Variants in PLXNA4 observed in about 807,000 individuals in gnomAD.
The protein encoded by PLXNA4 is plexin-A4.
In PLXNA4, 44 loss-of-function variants were observed where a neutral mutation model predicts 191.8. The ratio of observed to expected loss-of-function variants is 0.23; its 90% confidence interval spans 0.18 to 0.29. The LOEUF is 0.29. PLXNA4 is among the 10% of genes least tolerant of loss of function. The pLI is 1.00. For missense variants in PLXNA4, 1,800 were observed against 2,488.8 expected, an observed-to-expected ratio of 0.72 and a Z score of 5.89; for synonymous variants, 1,082 against 1,009.5, an observed-to-expected ratio of 1.07 and a Z score of -1.36.
chr7:132,229,323 C>A (rs983012440), intron 5 of PLXNA4, among the ~76,000 whole-genome samples: 3 of 152,214 alleles, frequency 2.0e-5, no homozygotes, highest in African/African-American at 7.2e-5. Flanking sequence ...TGGGATCTTG[C>A]AGTCCTAGCT....
chr7:132,203,524 G>A, intron 10 of PLXNA4, 105 bp from the exon 11 acceptor site: 1 of 900,654 alleles, frequency 1.1e-6, no homozygotes, highest in Non-Finnish European at 1.8e-6. Context: ...ACAGGCTAAA[G>A]ACTGGCCAAG....
rs187235560 is a variant in PLXNA4, at chr7:132,321,689, T to C, written c.1372-23467A>G. Among the ~76,000 whole-genome samples the C allele has an allele frequency of 3.5e-3, 532 of 152,230 alleles. 2 individuals carry two copies. The highest frequency in any genetic ancestry group is 6.1e-3 in the Non-Finnish European group (417 of 68,000). ...GAGCCCCGGGGGACACGTGGACACA[T>C]GTTAGAGTCTGGTGAACATTCAAGA... On this transcript the variant is annotated intron_variant, in intron 3 of 31. Transcript: ENST00000321063.
chr7:132,134,252 C>T (rs1312653611), intron 30 of PLXNA4, among the ~76,000 whole-genome samples: 2 of 152,124 alleles, frequency 1.3e-5, no homozygotes, highest in East Asian at 3.9e-4. Context: ...CCTTCTGCAC[C>T]CCAGCCCTGT....
chr7:132,459,338 G>A (rs1004678651), intron 3 of PLXNA4, among the ~76,000 whole-genome samples: 1 of 152,184 alleles, frequency 6.6e-6, no homozygotes, highest in Non-Finnish European at 1.5e-5. Context: ...CTTACATTCG[G>A]GGAAACGATC....
intron 30 of PLXNA4, among the ~76,000 whole-genome samples, chr7:132,135,189 T>G (rs1795076994): frequency 6.6e-6 from 1 of 152,176 alleles, no homozygotes; most frequent in South Asian, 2.1e-4. Context: ...TTCACAGGCT[T>G]TATTTGTAAA....
At chr7:132,228,728 C>A (rs968858700) in intron 5 of PLXNA4, among the ~76,000 whole-genome samples, 2 of 152,368 alleles carry the variant, frequency 1.3e-5, no homozygotes, top group South Asian at 4.1e-4. Context: ...TCTCCAAACT[C>A]ACATAAGGTG....
intron 3 of PLXNA4, among the ~76,000 whole-genome samples, chr7:132,447,558 A>C (rs754905345): frequency 9.9e-5 from 15 of 152,194 alleles, no homozygotes; most frequent in Admixed American, 5.9e-4. Flanking sequence ...AGGATCTCTC[A>C]TATCTTAATC....
chr7:132,466,646 G>C (rs1443636706), intron 3 of PLXNA4, among the ~76,000 whole-genome samples: 1 of 152,142 alleles, frequency 6.6e-6, no homozygotes, highest in South Asian at 2.1e-4. Context: ...AAGTTCCCCT[G>C]GTGGCAGTGG....
chr7:132,386,566 C>T (rs1805151861), intron 3 of PLXNA4, among the ~76,000 whole-genome samples: 1 of 152,166 alleles, frequency 6.6e-6, no homozygotes, highest in Non-Finnish European at 1.5e-5. Flanking sequence ...AACAGGCTGC[C>T]CAGGCTTGGG....
intron 3 of PLXNA4, among the ~76,000 whole-genome samples, chr7:132,435,304 A>G (rs1795426956): frequency 6.6e-6 from 1 of 152,010 alleles, no homozygotes; most frequent in Non-Finnish European, 1.5e-5. Flanking sequence ...CAAGGTGGGG[A>G]GGGGGGAGAG....
chr7:132,173,773 T>A (rs1025792053), intron 21 of PLXNA4, among the ~76,000 whole-genome samples: 1 of 152,206 alleles, frequency 6.6e-6, no homozygotes, highest in East Asian at 1.9e-4. Flanking sequence ...TTGGAATTAA[T>A]CTTAGTTTGC....
At chr7:132,237,417 G>A (rs1798738000) in intron 5 of PLXNA4, among the ~76,000 whole-genome samples, 2 of 152,144 alleles carry the variant, frequency 1.3e-5, no homozygotes, top group Admixed American at 6.5e-5. Flanking sequence ...AAGGGAGTGG[G>A]GGAAGACAAG....
intron 4 of PLXNA4, among the ~76,000 whole-genome samples, chr7:132,244,386 C>T (rs954057394): frequency 1.3e-5 from 2 of 152,304 alleles, no homozygotes; most frequent in East Asian, 1.9e-4. Flanking sequence ...CTCTTGAAGA[C>T]AATCATCTGG....
chr7:132,182,286 G>A, intron 16 of PLXNA4, 96 bp from the exon 17 acceptor site: 1 of 1,530,800 alleles, frequency 6.5e-7, no homozygotes, highest in Non-Finnish European at 8.8e-7. Flanking sequence ...TAAGGACAGT[G>A]ATAACTAGGC....
intron 4 of PLXNA4, among the ~76,000 whole-genome samples, chr7:132,290,606 CAAG>C (rs968768342): frequency 5.3e-5 from 8 of 152,114 alleles, no homozygotes; most frequent in East Asian, 1.9e-4. Flanking sequence ...ACATACAAAG[CAAG>C]AAGGAGGCTA....
chr7:132,505,869 T>A (rs1441482173), intron 2 of PLXNA4, among the ~76,000 whole-genome samples: 1 of 152,200 alleles, frequency 6.6e-6, no homozygotes, highest in Non-Finnish European at 1.5e-5. Context: ...ACCTGTCTCA[T>A]GGACTCTCTT....
intron 3 of PLXNA4, among the ~76,000 whole-genome samples, chr7:132,429,119 C>A (rs957973047): frequency 2.6e-5 from 4 of 152,140 alleles, no homozygotes; most frequent in African/African-American, 9.7e-5. Context: ...ACCACGTCCC[C>A]CTTCAAGATC....
intron 3 of PLXNA4, among the ~76,000 whole-genome samples, chr7:132,351,753 G>A (rs577726288): frequency 6.6e-6 from 1 of 152,176 alleles, no homozygotes; most frequent in Non-Finnish European, 1.5e-5. Context: ...CACTTAGGTA[G>A]CAGGTACCAG....
At chr7:132,398,605 G>A (rs1281337408) in intron 3 of PLXNA4, among the ~76,000 whole-genome samples, 1 of 152,224 alleles carries the variant, frequency 6.6e-6, no homozygotes, top group Admixed American at 6.5e-5. Flanking sequence ...AGGGACGCAG[G>A]GAGGCCCCTC....
Sources: allele counts gnomAD v4.1 joint callset (sites outside exome capture counted in the v4.1 genomes callset), GRCh38; gene constraint gnomAD v4.1.1; transcripts MANE v1.5; gene names NCBI Gene and HGNC (gene_info 2026-07-23, HGNC 2026-07-21).